Variants in DCLRE1C observed in about 807,000 individuals in gnomAD.
DCLRE1C encodes the protein protein artemis.
A neutral mutation model predicts 61.4 loss-of-function variants in DCLRE1C; 47 were observed. That is an observed-to-expected ratio of 0.77 (90% CI 0.61 to 0.98). DCLRE1C has a LOEUF of 0.98. Among genes scored for constraint, DCLRE1C ranks in the 50% least tolerant of loss-of-function variants. The pLI is 0.00. For missense variants in DCLRE1C, 858 were observed against 816.0 expected, an observed-to-expected ratio of 1.05 and a Z score of -0.63; for synonymous variants, 337 against 287.6, an observed-to-expected ratio of 1.17 and a Z score of -1.74.
chr10:14,944,659 TTAA>T (rs1186805629), intron 3 of DCLRE1C, among the ~76,000 whole-genome samples: 1 of 150,598 alleles, frequency 6.6e-6, no homozygotes, highest in Admixed American at 6.7e-5. Flanking sequence ...GCCAACAGAC[TTAA>T]TTTTTTTTTT....
chr10:14,954,375 C>G (rs1842875186), upstream of DCLRE1C: 3 of 370,480 alleles, frequency 8.1e-6, no homozygotes, highest in Non-Finnish European at 1.6e-5. Flanking sequence ...AGCAGGTGGC[C>G]CCAGCCGACG....
chr10:14,926,990 G>T, intron 10 of DCLRE1C, 93 bp from the exon 11 acceptor site: 1 of 1,021,064 alleles, frequency 9.8e-7, no homozygotes. Flanking sequence ...ATTCTAGCAT[G>T]AAACCACTCT....
chr10:14,949,970 G>C (rs1424309362), intron 1 of DCLRE1C, among the ~76,000 whole-genome samples: 1 of 152,106 alleles, frequency 6.6e-6, no homozygotes, highest in Non-Finnish European at 1.5e-5. Context: ...ACTTGAACAT[G>C]GGAGGTAGAG....
chr10:14,942,728 A>G (rs1331485233), intron 3 of DCLRE1C, among the ~76,000 whole-genome samples: 6 of 152,264 alleles, frequency 3.9e-5, no homozygotes, highest in East Asian at 1.9e-4. Context: ...TTGGGCCTGG[A>G]CATGCCTGGT....
chr10:14,905,354 G>A lies in DCLRE1C; in HGVS notation c.*3054C>T, dbSNP rs1296697594. ...TTGAGCATTGTCACTCACCAGGTAC[G>A]TAAACATACTATGGTAAGTACTGCC... On this transcript the variant is annotated 3_prime_UTR_variant, in exon 14 of 14. Coordinates refer to ENST00000378278, the MANE Select transcript of DCLRE1C (RefSeq NM_001033855.3). 1.3e-5 allele frequency among the ~76,000 whole-genome samples: 2 copies of A among 152,234 alleles called. No homozygotes were observed. The highest frequency in any genetic ancestry group is 1.5e-5 in the Non-Finnish European group (1 of 68,040).
chr10:14,903,141 A>G (rs893678468), downstream of DCLRE1C: 5 of 152,230 alleles, frequency 3.3e-5, no homozygotes, highest in Non-Finnish European at 7.3e-5. Flanking sequence ...TGATGAGTGT[A>G]TGTCTGAACC....
At chr10:14,951,419 A>AAAAG in intron 1 of DCLRE1C, among the ~76,000 whole-genome samples, 1 of 145,562 alleles carries the variant, frequency 6.9e-6, no homozygotes, top group East Asian at 2.0e-4. Flanking sequence ...AAAAAAAAAA[A>AAAAG]AAGGAAGTGA....
At position 14,908,912 on chromosome 10, in the gene DCLRE1C, A is replaced by G; in HGVS notation, c.1575T>C (p.Ser525=). The change falls in exon 14 of 14, where the codon TCT becomes TCC. Residue 525 remains serine, a synonymous_variant. Coordinates refer to ENST00000378278, the MANE Select transcript of DCLRE1C (RefSeq NM_001033855.3). ...GSQSPKLFSD[S]DGESTHISSQ... is the part of the protein sequence containing the mutation. Reference sequence around the variant, plus strand: ...AGGAGATGTGAGTTGATTCTCCATCAGAGTCACTGAAAAGCTTTGGTGACT... The same window carrying G: ...AGGAGATGTGAGTTGATTCTCCATCGGAGTCACTGAAAAGCTTTGGTGACT... The G allele has an allele frequency of 6.2e-7, 1 of 1,614,218 alleles. No homozygotes were observed.
chr10:14,900,395 C>A (rs1380292961), downstream of DCLRE1C, among the ~76,000 whole-genome samples: 3 of 152,108 alleles, frequency 2.0e-5, no homozygotes, highest in Admixed American at 2.0e-4. Flanking sequence ...AGTTATATAG[C>A]TGAACATATA....
At position 14,908,778 on chromosome 10, in the gene DCLRE1C, A is replaced by C. The variant is rs769187936; in HGVS notation, c.1709T>G (p.Ile570Ser). 9.3e-6 allele frequency: 15 copies of C among 1,614,072 alleles called. No homozygotes were observed. The Admixed American group carries it at 2.5e-4, about 27-fold the overall frequency. Reference sequence around the variant, plus strand: ...GTAGTCAGCTTTGTCCAAGGAAGTAATATCCCCACTGTTTCTCTCTTGGGA... The same window carrying C: ...GTAGTCAGCTTTGTCCAAGGAAGTACTATCCCCACTGTTTCTCTCTTGGGA... ...LSSQERNSGD[I>S]TSLDKADYRP... The change falls in exon 14 of 14, where the codon ATT becomes AGT. Residue 570 changes from isoleucine (I) to serine (S), a missense_variant. By Grantham distance (142) the Ile-to-Ser change is moderately radical (BLOSUM62 -2). This residue lies in a region of DCLRE1C where 843 missense variants were observed against 783.5 expected (regional missense o/e 1.08). Coordinates refer to ENST00000378278, the MANE Select transcript of DCLRE1C (RefSeq NM_001033855.3).
rs1317003987 is a variant in DCLRE1C, at chr10:14,953,964, A to G, written c.47T>C (p.Ile16Thr). 2.5e-6 allele frequency: 4 copies of G among 1,613,896 alleles called. No homozygotes were observed. Among genetic ancestry groups the G allele is most frequent in the Non-Finnish European group, 8.5e-7 (1 of 1,179,918 alleles). ...GQMAEYPTIS[I>T]DRFDRENLRA... ...CAGGTTCTCCCTATCGAAGCGGTCT[A>G]TGGAGATAGTTGGATACTCGGCCAT... The change falls in exon 1 of 14, where the codon ATA (isoleucine) becomes ACA (threonine). Residue 16 changes from isoleucine to threonine, a missense_variant. Ile to Thr is a moderately conservative substitution (Grantham distance 89). Coordinates refer to ENST00000378278, the MANE Select transcript of DCLRE1C (RefSeq NM_001033855.3).
chr10:14,931,602 G>A (rs936569100), intron 9 of DCLRE1C, among the ~76,000 whole-genome samples: 1 of 151,940 alleles, frequency 6.6e-6, no homozygotes, highest in African/African-American at 2.4e-5. Context: ...CAAATGACAT[G>A]TGACTTGCAA....
intron 13 of DCLRE1C, among the ~76,000 whole-genome samples, chr10:14,918,439 C>A (rs981846196): frequency 4.6e-5 from 7 of 152,046 alleles, no homozygotes; most frequent in Non-Finnish European, 1.0e-4. Flanking sequence ...GAAGGCAGAT[C>A]AGTGGATGCC....
intron 4 of DCLRE1C, among the ~76,000 whole-genome samples, chr10:14,937,986 C>T (rs987066405): frequency 6.6e-6 from 1 of 151,994 alleles, no homozygotes; most frequent in Non-Finnish European, 1.5e-5. Flanking sequence ...AGGGCAAGAC[C>T]TGCAGGCACT....
At chr10:14,953,801 C>T (rs1842807660) in intron 1 of DCLRE1C, 101 bp downstream of exon 1, 5 of 1,553,496 alleles carry the variant, frequency 3.2e-6, no homozygotes, top group Non-Finnish European at 3.5e-6. Context: ...CCCTCGCTGG[C>T]TTCCCACAGG....
exon 14 of DCLRE1C, chr10:14,897,424 T>C (rs1362129522): frequency 5.6e-6 from 9 of 1,612,982 alleles, no homozygotes; most frequent in Non-Finnish European, 5.9e-6. Context: ...AGTATTCGCT[T>C]TGCATCTTTC....
chr10:14,923,195 C>G, intron 11 of DCLRE1C, 126 bp from the exon 12 acceptor site: 1 of 747,918 alleles, frequency 1.3e-6, no homozygotes, highest in South Asian at 1.5e-5. Context: ...ATGCTGGCTG[C>G]ACGTGGGGAT....
chr10:14,935,115 A>G (rs1340846891), intron 6 of DCLRE1C, among the ~76,000 whole-genome samples: 1 of 151,760 alleles, frequency 6.6e-6, no homozygotes, highest in Non-Finnish European at 1.5e-5. Flanking sequence ...AGAACTCCCA[A>G]AGTGCTGGGA....
At chr10:14,931,355 C>T (rs1158227631) in intron 9 of DCLRE1C, among the ~76,000 whole-genome samples, 9 of 151,604 alleles carry the variant, frequency 5.9e-5, no homozygotes, top group African/African-American at 1.9e-4. Context: ...GTTAGGAGTT[C>T]GAGACCAGCC....
Sources: allele counts gnomAD v4.1 joint callset (sites outside exome capture counted in the v4.1 genomes callset), GRCh38; gene constraint gnomAD v4.1.1; regional missense constraint gnomAD v4.1.1; transcripts MANE v1.5; gene names NCBI Gene and HGNC (gene_info 2026-07-23, HGNC 2026-07-21).